SYT1: variants seen among roughly 807,000 people sequenced by gnomAD.
SYT1 encodes the protein synaptotagmin 1.
In SYT1, 8 loss-of-function variants were observed where a neutral mutation model predicts 44.8. The observed-to-expected ratio is 0.18, with a 90% CI of 0.10 to 0.32. The LOEUF (loss-of-function observed/expected upper bound fraction) is 0.32, where lower values mean the gene tolerates loss of function less well. Among genes scored for constraint, SYT1 ranks in the 10% least tolerant of loss-of-function variants. The pLI is 1.00. For synonymous variants in SYT1, 154 were observed against 188.8 expected (o/e 0.82, Z 1.51); for missense variants, 286 against 509.3 (o/e 0.56, Z 4.22).
At chr12:79,225,834 C>T (rs746368196) in intron 4 of SYT1, among the ~76,000 whole-genome samples, 3 of 152,176 alleles carry the variant, frequency 2.0e-5, no homozygotes. Flanking sequence ...CCCAACCACA[C>T]TATTTAAAAT....
At chr12:78,927,377 T>G (rs182210842) in intron 1 of SYT1, among the ~76,000 whole-genome samples, 10 of 152,242 alleles carry the variant, frequency 6.6e-5, no homozygotes, top group Non-Finnish European at 1.2e-4. Context: ...TAAGATTATT[T>G]CTATGAAAAT....
chr12:79,440,813 A>T (rs1870365927), intron 9 of SYT1, among the ~76,000 whole-genome samples: 1 of 152,142 alleles, frequency 6.6e-6, no homozygotes, highest in African/African-American at 2.4e-5. Flanking sequence ...CACAAATGTG[A>T]CTCATAGGCA....
intron 3 of SYT1, among the ~76,000 whole-genome samples, chr12:79,053,876 G>GA (rs1302582312): frequency 1.3e-5 from 2 of 151,736 alleles, no homozygotes; most frequent in African/African-American, 2.4e-5. Context: ...TGATCATCCA[G>GA]AAAAAAAATT....
chr12:79,372,970 G>T (rs1194513993), intron 9 of SYT1, among the ~76,000 whole-genome samples: 1 of 152,132 alleles, frequency 6.6e-6, no homozygotes, highest in Non-Finnish European at 1.5e-5. Context: ...CCAACAATAA[G>T]TAAGTACCAA....
chr12:78,988,319 CT>C, intron 2 of SYT1, among the ~76,000 whole-genome samples: 1 of 149,976 alleles, frequency 6.7e-6, no homozygotes, highest in South Asian at 2.1e-4. Context: ...ACTATGTTAT[CT>C]TTATATCAAT....
intron 2 of SYT1, among the ~76,000 whole-genome samples, chr12:78,990,548 A>G (rs1300024495): frequency 6.6e-6 from 1 of 152,144 alleles, no homozygotes; most frequent in East Asian, 1.9e-4. Flanking sequence ...ACAAATTCTT[A>G]TCTGTGTCTG....
At chr12:79,391,477 A>G (rs1884654150) in intron 9 of SYT1, among the ~76,000 whole-genome samples, 1 of 152,218 alleles carries the variant, frequency 6.6e-6, no homozygotes, top group South Asian at 2.1e-4. Flanking sequence ...AGATTTTTGA[A>G]AAGTTCCCTA....
intron 4 of SYT1, among the ~76,000 whole-genome samples, chr12:79,235,265 G>A (rs985862946): frequency 3.9e-5 from 6 of 152,074 alleles, no homozygotes; most frequent in African/African-American, 4.8e-5. Flanking sequence ...CTAACACTTG[G>A]AATTGTCTAG....
chr12:79,119,276 A>C (rs1455894338), intron 3 of SYT1, among the ~76,000 whole-genome samples: 1 of 152,208 alleles, frequency 6.6e-6, no homozygotes, highest in Non-Finnish European at 1.5e-5. Flanking sequence ...AGTCAATAGT[A>C]AACAATGCAA....
rs1368750210 is a variant in SYT1, at chr12:79,047,672, G to T, written c.-18+310G>T. 2.0e-5 allele frequency among the ~76,000 whole-genome samples: 3 copies of T among 151,888 alleles called. No homozygotes were observed. In the East Asian group the frequency reaches 5.8e-4, roughly 29 times the overall value. On this transcript the variant is annotated intron_variant, in intron 3 of 10. Transcript: ENST00000261205. ...AGAAGAAAACAGTAATAAGCTAGATGTAATCAAAGTGCCTCATTTTCTCCA... is the reference window on the plus strand; with the variant it reads ...AGAAGAAAACAGTAATAAGCTAGATTTAATCAAAGTGCCTCATTTTCTCCA...
At chr12:79,308,309 G>A (rs1038951583) in intron 8 of SYT1, among the ~76,000 whole-genome samples, 20 of 152,050 alleles carry the variant, frequency 1.3e-4, no homozygotes, top group Admixed American at 7.9e-4. Flanking sequence ...AGAATCACCT[G>A]AGGTCAGGAG....
intron 3 of SYT1, among the ~76,000 whole-genome samples, chr12:79,167,889 T>C (rs1162914997): frequency 2.0e-5 from 3 of 151,996 alleles, no homozygotes; most frequent in African/African-American, 7.2e-5. Context: ...CATTAGATTC[T>C]CATAAGGAGC....
chr12:79,141,743 T>C (rs1207602794), intron 3 of SYT1, among the ~76,000 whole-genome samples: 20 of 152,232 alleles, frequency 1.3e-4, no homozygotes, highest in Admixed American at 1.3e-3. Flanking sequence ...TTGTCATAAT[T>C]AATTTGAGCC....
At chr12:79,129,701 A>C (rs1868680627) in intron 3 of SYT1, among the ~76,000 whole-genome samples, 1 of 152,210 alleles carries the variant, frequency 6.6e-6, no homozygotes, top group Non-Finnish European at 1.5e-5. Context: ...AGAATCTCTG[A>C]GTTAAATTTT....
chr12:79,357,369 C>T (rs568112671), intron 9 of SYT1, among the ~76,000 whole-genome samples: 2 of 152,302 alleles, frequency 1.3e-5, no homozygotes, highest in South Asian at 4.1e-4. Context: ...TGTTGATTAA[C>T]AACAGGCATA....
chr12:79,226,558 T>A (rs147119257), intron 4 of SYT1, among the ~76,000 whole-genome samples: 197 of 152,138 alleles, frequency 1.3e-3, no homozygotes, highest in Non-Finnish European at 2.0e-3. Flanking sequence ...GTACCACCCC[T>A]AAAAAATATT....
At chr12:78,980,038 G>T (rs1869133109) in intron 2 of SYT1, among the ~76,000 whole-genome samples, 1 of 151,912 alleles carries the variant, frequency 6.6e-6, no homozygotes, top group Non-Finnish European at 1.5e-5. Flanking sequence ...AATTCTTTGG[G>T]CTGAGATTTT....
intron 8 of SYT1, among the ~76,000 whole-genome samples, chr12:79,344,831 C>T (rs1244353831): frequency 6.6e-6 from 1 of 152,064 alleles, no homozygotes. Flanking sequence ...ATCTGCTTTT[C>T]TGTGAATTAT....
chr12:79,135,268 A>T lies in SYT1; in HGVS notation c.-17-82235A>T, dbSNP rs927416350. 6.4e-5 allele frequency among the ~76,000 whole-genome samples: 5 copies of T among 77,652 alleles called. No individual in the cohort carries two copies. The Admixed American group carries it at 8.0e-4, about 12-fold the overall frequency. The allele number at this position is 77,652 out of a possible 152,430, so 50.9% of individuals were successfully genotyped here. ...TCCCTCCCCCCTCCCCCCATCCCAC[A>T]ACAGTCCCCAGTGTGTGATGTTCCC... On this transcript the variant is annotated intron_variant, in intron 3 of 10. Transcript: ENST00000261205.
Sources: gnomAD v4.1 joint callset for allele counts (sites outside exome capture counted in the v4.1 genomes callset) on GRCh38, gnomAD v4.1.1 for gene constraint, MANE v1.5 for transcripts, NCBI Gene and HGNC (gene_info 2026-07-23, HGNC 2026-07-21) for gene names.